The following BRAF variants were observed in gnomAD, a reference collection of about 807,000 sequenced individuals.
BRAF encodes serine/threonine-protein kinase B-raf.
Under a neutral mutation model 104.6 loss-of-function variants are expected in BRAF, and 16 were observed. The ratio of observed to expected loss-of-function variants is 0.15; its 90% CI spans 0.10 to 0.23. The LOEUF (loss-of-function observed/expected upper bound fraction) is 0.23. Ranked by LOEUF, BRAF falls within the 10% of genes least tolerant of loss-of-function variation. The pLI is 1.00. For missense variants in BRAF, 541 were observed against 937.3 expected, an observed-to-expected ratio of 0.58 and a Z score of 5.52; for synonymous variants, 310 against 341.6, an observed-to-expected ratio of 0.91 and a Z score of 1.02.
Position 140,723,243 on chromosome 7 carries a change from C to A in BRAF, c.*3251G>T. The A allele has an allele frequency of 9.5e-7, 1 of 1,055,674 alleles. No homozygotes were observed. The highest frequency in any genetic ancestry group is 1.1e-6 in the Non-Finnish European group (1 of 873,380). 65.4% of individuals were successfully genotyped at this position (1,055,674 alleles called of 1,614,324 possible). A position where few individuals can be genotyped will look rare whatever the true frequency, so the allele number is the denominator to read the frequency against. The stretch of plus-strand genomic sequence containing the variant: ...CGCCTGGTGAATACAAGGTAACATC[C>A]TGTGATGAAAGTGCTGTCACCGCAC... On this transcript the variant is annotated 3_prime_UTR_variant, in exon 20 of 20. Transcript: ENST00000644969.
intron 1 of BRAF, among the ~76,000 whole-genome samples, chr7:140,874,532 TAAAAA>T (rs71659759): frequency 3.7e-5 from 3 of 80,922 alleles, no homozygotes; most frequent in Non-Finnish European, 8.8e-5. Flanking sequence ...AGAAAAAAAG[TAAAAA>T]AAAAAAAAAA....
chr7:140,751,849 TCTG>T (rs1797815973), intron 16 of BRAF, among the ~76,000 whole-genome samples: 1 of 152,200 alleles, frequency 6.6e-6, no homozygotes, highest in South Asian at 2.1e-4. Flanking sequence ...TTACAACTTT[TCTG>T]TTTCCAGCAG....
intron 1 of BRAF, among the ~76,000 whole-genome samples, chr7:140,871,813 C>T (rs1811626617): frequency 6.6e-6 from 1 of 152,206 alleles, no homozygotes; most frequent in African/African-American, 2.4e-5. Context: ...TCACAGGCCA[C>T]ATTCCCAGCC....
intron 16 of BRAF, 93 bp downstream of exon 15, chr7:140,753,182 T>C: frequency 1.1e-6 from 1 of 892,394 alleles, no homozygotes; most frequent in Non-Finnish European, 1.9e-6. Context: ...ACTATGAAAA[T>C]ACTATAGTTG....
intron 3 of BRAF, among the ~76,000 whole-genome samples, chr7:140,825,320 C>T (rs185047094): frequency 2.0e-5 from 3 of 152,224 alleles, no homozygotes; most frequent in Admixed American, 2.0e-4. Flanking sequence ...TCTACATGTC[C>T]TTGATCAGAT....
At chr7:140,799,892 AGACTCAAAAT>A in intron 7 of BRAF, 13 of 308,712 alleles carry the variant, frequency 4.2e-5, no homozygotes, top group Admixed American at 1.4e-4. Flanking sequence ...CTCAAGGTGT[AGACTCAAAAT>A]GATCTGTTGC....
intron 6 of BRAF, 134 bp downstream of exon 6, chr7:140,801,278 A>T: frequency 1.0e-6 from 1 of 955,412 alleles, no homozygotes; most frequent in South Asian, 1.6e-5. Context: ...TTCTCTAACT[A>T]CACTTAAAAA....
Position 140,823,681 on chromosome 7 carries a change from G to A in BRAF, c.504+10928C>T, listed in dbSNP as rs768242218. ...ATTATTTTGGGTATATACACAGAAG[G>A]AGAATTGATGGATTATATGGTAATT... On this transcript the variant is annotated intron_variant, in intron 3 of 19. Coordinates refer to ENST00000644969, the MANE Select transcript of BRAF (RefSeq NM_001374258.1). The A allele has an allele frequency of 4.6e-5, 7 of 152,186 alleles. No individual in the cohort carries two copies. The East Asian group carries it at 1.2e-3, about 25-fold the overall frequency. The allele number at this position is 152,186 out of a possible 1,614,324, so 9.4% of individuals were successfully genotyped here.
chr7:140,911,863 C>T (rs951278166), intron 1 of BRAF, among the ~76,000 whole-genome samples: 40 of 152,276 alleles, frequency 2.6e-4, no homozygotes, highest in Middle Eastern at 3.4e-3. Context: ...TGTTCTATTT[C>T]CCAATGATTC....
In BRAF at chr7:140,863,199, A is replaced by AT. The variant is rs571182546; in HGVS notation, c.139-12988dup. On this transcript the variant is annotated intron_variant, in intron 1 of 19. Transcript: ENST00000644969. ...TTCACCAGGTTAAAAAAAAAAACTG[A>AT]TTTTTTAAGGCACTATTTTTACATA... Among the ~76,000 whole-genome samples the AT allele has an allele frequency of 1.2e-4, 18 of 152,272 alleles. No homozygotes were observed. In the East Asian group the frequency reaches 3.5e-3, roughly 29 times the overall value.
chr7:140,867,739 G>A (rs1296083382), intron 1 of BRAF, among the ~76,000 whole-genome samples: 4 of 152,098 alleles, frequency 2.6e-5, no homozygotes, highest in Non-Finnish European at 5.9e-5. Flanking sequence ...AAACAGAAGG[G>A]AAACAAATGC....
At chr7:140,776,217 A>G (rs920121127) in intron 14 of BRAF, among the ~76,000 whole-genome samples, 3 of 152,232 alleles carry the variant, frequency 2.0e-5, no homozygotes, top group African/African-American at 7.2e-5. Context: ...AATTCAGATC[A>G]TATCTATTTT....
chr7:140,896,096 T>C (rs1814859536), intron 1 of BRAF, among the ~76,000 whole-genome samples: 1 of 152,128 alleles, frequency 6.6e-6, no homozygotes, highest in Non-Finnish European at 1.5e-5. Context: ...CTAACTGGGA[T>C]GAGACAATAC....
chr7:140,774,716 C>T (rs1171575805), intron 14 of BRAF, among the ~76,000 whole-genome samples: 1 of 152,132 alleles, frequency 6.6e-6, no homozygotes, highest in Non-Finnish European at 1.5e-5. Context: ...GAGGGTCTCC[C>T]TATGTTTCCT....
chr7:140,854,739 A>G (rs2129077482), intron 1 of BRAF, among the ~76,000 whole-genome samples: 1 of 152,230 alleles, frequency 6.6e-6, no homozygotes, highest in African/African-American at 2.4e-5. Flanking sequence ...TGAGGTCAGG[A>G]GTTCGAGACC....
chr7:140,847,019 A>G (rs1270632139), intron 2 of BRAF, among the ~76,000 whole-genome samples: 5 of 152,034 alleles, frequency 3.3e-5, no homozygotes, highest in Non-Finnish European at 7.4e-5. Flanking sequence ...GTCGGGAGTC[A>G]TAACGCACAC....
intron 1 of BRAF, among the ~76,000 whole-genome samples, chr7:140,906,663 T>C (rs1389623819): frequency 1.3e-5 from 2 of 152,250 alleles, no homozygotes; most frequent in Non-Finnish European, 2.9e-5. Flanking sequence ...AAAGAGCTGA[T>C]GGAGTTTGTT....
chr7:140,914,952 A>G (rs1817417009), intron 1 of BRAF, among the ~76,000 whole-genome samples: 1 of 93,642 alleles, frequency 1.1e-5, no homozygotes, highest in Non-Finnish European at 1.9e-5. Context: ...AGGCAGGAGA[A>G]TCACTTGAAC....
downstream of BRAF, among the ~76,000 whole-genome samples, chr7:140,718,091 A>G (rs1004177216): frequency 1.3e-5 from 2 of 152,152 alleles, no homozygotes; most frequent in Non-Finnish European, 2.9e-5. Flanking sequence ...ACATAAGGAT[A>G]AACAGGTGAA....
Sources: allele counts gnomAD v4.1 joint callset (sites outside exome capture counted in the v4.1 genomes callset), GRCh38; gene constraint gnomAD v4.1.1; transcripts MANE v1.5; gene names NCBI Gene and HGNC (gene_info 2026-07-23, HGNC 2026-07-21).